Variants in LARGE1 observed in about 807,000 individuals in gnomAD.
LARGE1 encodes the protein LARGE xylosyl- and glucuronyltransferase 1.
Under a neutral mutation model 87.6 loss-of-function variants are expected in LARGE1, and 43 were observed. That is an observed-to-expected ratio of 0.49 (90% CI 0.38 to 0.63). LARGE1 has a LOEUF of 0.63. Ranked by LOEUF, LARGE1 falls within the 30% of genes least tolerant of loss-of-function variation. LARGE1 has a pLI of 0.00. For synonymous variants in LARGE1, 434 were observed against 394.6 expected, an observed-to-expected ratio of 1.10 and a Z score of -1.18; for missense variants, 802 against 1,000.2, an observed-to-expected ratio of 0.80 and a Z score of 2.67.
intron 6 of LARGE1, among the ~76,000 whole-genome samples, chr22:33,493,025 A>G (rs1483678025): frequency 6.6e-6 from 1 of 152,092 alleles, no homozygotes; most frequent in Non-Finnish European, 1.5e-5. Flanking sequence ...TAAATTCAAA[A>G]TTGTGTTTAA....
intron 5 of LARGE1, among the ~76,000 whole-genome samples, chr22:33,591,164 G>A (rs563531390): frequency 6.6e-6 from 1 of 152,368 alleles, no homozygotes; most frequent in South Asian, 2.1e-4. Flanking sequence ...TGGGGCCACT[G>A]CACTCCAGCC....
At chr22:33,699,446 A>C (rs1298815294) in intron 2 of LARGE1, among the ~76,000 whole-genome samples, 3 of 152,230 alleles carry the variant, frequency 2.0e-5, no homozygotes, top group Non-Finnish European at 2.9e-5. Flanking sequence ...CAGAGCCAGG[A>C]GGAGGCCAGC....
At chr22:33,658,058 C>G (rs7286241) in intron 2 of LARGE1, among the ~76,000 whole-genome samples, 9,631 of 152,204 alleles carry the variant, frequency 0.063, 1,040 homozygotes, top group African/African-American at 0.22. Flanking sequence ...TCTTTCCGCA[C>G]CGAACCGGAA....
chr22:33,672,078 A>G (rs545272521), intron 2 of LARGE1, among the ~76,000 whole-genome samples: 1 of 152,356 alleles, frequency 6.6e-6, no homozygotes, highest in Non-Finnish European at 1.5e-5. Flanking sequence ...GTTAGGAAAC[A>G]GCTACATATT....
chr22:33,425,782 G>A (rs1202546104), intron 7 of LARGE1, among the ~76,000 whole-genome samples: 1 of 152,152 alleles, frequency 6.6e-6, no homozygotes, highest in East Asian at 1.9e-4. Flanking sequence ...CCAAAGGGCA[G>A]ACACAGTATG....
intron 1 of LARGE1, among the ~76,000 whole-genome samples, chr22:33,768,891 C>A (rs1473276568): frequency 3.9e-5 from 6 of 152,196 alleles, no homozygotes; most frequent in Non-Finnish European, 8.8e-5. Context: ...TGAATCAGAA[C>A]TGGCATTTTA....
intron 11 of LARGE1, among the ~76,000 whole-genome samples, chr22:33,315,369 T>C (rs1936039519): frequency 1.3e-5 from 2 of 152,200 alleles, no homozygotes; most frequent in Admixed American, 1.3e-4. Flanking sequence ...GCGGGGCTCA[T>C]GTCCGTACTG....
intron 2 of LARGE1, among the ~76,000 whole-genome samples, chr22:33,712,586 G>A (rs1603224325): frequency 6.6e-6 from 1 of 151,934 alleles, no homozygotes; most frequent in South Asian, 2.1e-4. Flanking sequence ...GTAGAGAAGT[G>A]GAGGAAACAA....
At chr22:33,239,535 C>CTTTTTTTTTTTTTTTTT (rs71187254) in intron 11 of LARGE1, among the ~76,000 whole-genome samples, 10 of 95,316 alleles carry the variant, frequency 1.0e-4, no homozygotes, top group Non-Finnish European at 1.4e-4. Flanking sequence ...TTTTTCTTTT[C>CTTTTTTTTTTTTTTTTT]TTTTTTTTTT....
chr22:33,223,445 T>C (rs1249975834), intron 11 of LARGE1, among the ~76,000 whole-genome samples: 1 of 152,216 alleles, frequency 6.6e-6, no homozygotes, highest in African/African-American at 2.4e-5. Flanking sequence ...AGTAGGCTGA[T>C]TGGGATAGAA....
chr22:33,764,475 C>A (rs767237514), intron 1 of LARGE1, among the ~76,000 whole-genome samples: 1 of 152,060 alleles, frequency 6.6e-6, no homozygotes, highest in South Asian at 2.1e-4. Flanking sequence ...TAATGCAGGC[C>A]GGGTATTACA....
At chr22:33,158,368 G>A (rs138131012), downstream of LARGE1, among the ~76,000 whole-genome samples, 341 of 152,182 alleles carry the variant, frequency 2.2e-3, no homozygotes, top group African/African-American at 8.1e-3. Context: ...ATAAATGAAC[G>A]ACTAACAAAT....
intron 6 of LARGE1, among the ~76,000 whole-genome samples, chr22:33,474,970 A>G (rs996551404): frequency 1.3e-5 from 2 of 152,194 alleles, no homozygotes; most frequent in African/African-American, 2.4e-5. Flanking sequence ...TCTGACAGTA[A>G]TATCAGAAGA....
chr22:33,790,328 G>A (rs767087481), intron 1 of LARGE1, among the ~76,000 whole-genome samples: 2 of 152,084 alleles, frequency 1.3e-5, no homozygotes, highest in African/African-American at 2.4e-5. Context: ...ATTACCCACT[G>A]TCCAGTATGT....
At chr22:33,361,770 T>TTTAGAGTCCCTCCTCC (rs2064397888) in intron 9 of LARGE1, among the ~76,000 whole-genome samples, 2 of 149,538 alleles carry the variant, frequency 1.3e-5, no homozygotes, top group Non-Finnish European at 3.0e-5. Flanking sequence ...GTCCCTCCTC[T>TTTAGAGTCCCTCCTCC]TGCTCTGTTA....
chr22:33,212,540 T>C lies in LARGE1; in HGVS notation c.1731-45708A>G, dbSNP rs146214087. 4.2e-4 allele frequency among the ~76,000 whole-genome samples: 64 copies of C among 152,344 alleles called. No individual in the cohort carries two copies. In the East Asian group the frequency reaches 9.4e-3, roughly 22 times the overall value. ...GTACAAGATTAATGTTGCTTTCATG[T>C]CTTTTAACACAACATCCATTCTGCA... On this transcript the variant is annotated intron_variant, in intron 11 of 11. Coordinates refer to the LARGE1 transcript ENST00000608642.
rs561789863 is a variant in LARGE1, at chr22:33,506,850, G to A, written c.787+57998C>T. ...CAGGAGGCGGAGGTTGCAGTGAGCCGAGATCACGCCATTGTACTCCAGCCT... is the reference window on the plus strand; with the variant it reads ...CAGGAGGCGGAGGTTGCAGTGAGCCAAGATCACGCCATTGTACTCCAGCCT... On this transcript the variant is annotated intron_variant, in intron 6 of 14. Coordinates refer to ENST00000397394, the MANE Select transcript of LARGE1 (RefSeq NM_133642.5). Among the ~76,000 whole-genome samples, 11 of 152,260 alleles carry A rather than the reference G, an allele frequency of 7.2e-5. No homozygotes were observed. The East Asian group carries it at 2.1e-3, about 29-fold the overall frequency.
intron 1 of LARGE1, among the ~76,000 whole-genome samples, chr22:33,895,086 G>A (rs2065101775): frequency 6.6e-6 from 1 of 152,096 alleles, no homozygotes; most frequent in East Asian, 1.9e-4. Flanking sequence ...GTGGGGGATG[G>A]GGAGGAGAGT....
At chr22:33,722,333 GA>G (rs1601419841) in intron 2 of LARGE1, among the ~76,000 whole-genome samples, 10 of 110,366 alleles carry the variant, frequency 9.1e-5, no homozygotes, top group Non-Finnish European at 9.9e-5. Flanking sequence ...AGAGGAGGGA[GA>G]GGGAGAGGAG....
Sources: allele counts gnomAD v4.1 joint callset (sites outside exome capture counted in the v4.1 genomes callset), GRCh38; gene constraint gnomAD v4.1.1; transcripts MANE v1.5; gene names NCBI Gene and HGNC (gene_info 2026-07-23, HGNC 2026-07-21).